The following THNSL1 variants were observed in gnomAD, a reference collection of about 807,000 sequenced individuals.
THNSL1 encodes the protein threonine synthase like 1, also known as threonine synthase-like 1.
In THNSL1, 48 loss-of-function variants were observed where a neutral mutation model predicts 50.4. That is an observed-to-expected ratio of 0.95 (90% CI 0.76 to 1.21). THNSL1 has a LOEUF of 1.21. THNSL1 is among the 50% of genes most tolerant of loss of function. The probability of loss-of-function intolerance (pLI) is 0.00; values close to 1 mark genes in which losing one functional copy is unlikely to be tolerated. For missense variants in THNSL1, 896 were observed against 871.7 expected, an observed-to-expected ratio of 1.03 and a Z score of -0.35; for synonymous variants, 309 against 306.1, an observed-to-expected ratio of 1.01 and a Z score of -0.10.
the THNSL1 span, among the ~76,000 whole-genome samples, chr10:24,980,548 T>G: frequency 3.3e-5 from 5 of 152,240 alleles, no homozygotes; most frequent in African/African-American, 1.2e-4. Flanking sequence ...ATAGCTGTTT[T>G]GTTCACTATT....
the THNSL1 span, chr10:24,984,546 TA>T: frequency 1.8e-6 from 2 of 1,103,948 alleles, no homozygotes; most frequent in South Asian, 1.8e-5. Flanking sequence ...GTGACACTAG[TA>T]AAAACAAAAT....
chr10:24,980,912 T>C, the THNSL1 span, among the ~76,000 whole-genome samples: 1 of 152,106 alleles, frequency 6.6e-6, no homozygotes, highest in Non-Finnish European at 1.5e-5. Flanking sequence ...AGTGAAACAG[T>C]GTTTCACCAC....
At chr10:25,012,606 G>A (rs1003432672), upstream of THNSL1, among the ~76,000 whole-genome samples, 3 of 152,210 alleles carry the variant, frequency 2.0e-5, no homozygotes, top group East Asian at 3.8e-4. Context: ...ATCTGGACTT[G>A]CAAGGGGCCT....
chr10:24,952,670 G>C, the THNSL1 span: 1 of 843,358 alleles, frequency 1.2e-6, no homozygotes, highest in Non-Finnish European at 1.8e-6. The surrounding 1 kb of genome is among the most constrained non-coding windows in gnomAD (Gnocchi z 5.1). Context: ...ATGGGGACGG[G>C]GACGGGGACG....
At chr10:24,964,620 T>C in the THNSL1 span, among the ~76,000 whole-genome samples, 1 of 152,250 alleles carries the variant, frequency 6.6e-6, no homozygotes, top group South Asian at 2.1e-4. Flanking sequence ...CAAGATTCAT[T>C]GATATTACTT....
chr10:24,974,604 A>C, the THNSL1 span, among the ~76,000 whole-genome samples: 1 of 152,164 alleles, frequency 6.6e-6, no homozygotes. Flanking sequence ...TTTGGCTTAT[A>C]TTTTTGCTTT....
chr10:24,953,670 C>G, the THNSL1 span, among the ~76,000 whole-genome samples: 3 of 152,294 alleles, frequency 2.0e-5, no homozygotes, highest in South Asian at 2.1e-4. Flanking sequence ...CAGCCCAATT[C>G]GGGTCGAAGC....
At chr10:24,980,236 T>A in the THNSL1 span, among the ~76,000 whole-genome samples, 2 of 152,094 alleles carry the variant, frequency 1.3e-5, no homozygotes, top group African/African-American at 4.8e-5. Flanking sequence ...CTTTTCTAAG[T>A]TCACCCCAGC....
rs79106101 is a variant in THNSL1, at chr10:25,022,489, T to G, written c.-49+581T>G. ...TAATATACCTTTCACCTTGGCTCTTTTTAAAGCCTTCAATATGAATAATAT... is the reference window on the plus strand; with the variant it reads ...TAATATACCTTTCACCTTGGCTCTTGTTAAAGCCTTCAATATGAATAATAT... On this transcript the variant is annotated intron_variant, in intron 2 of 2. Transcript: ENST00000376356. 4.9e-4 allele frequency among the ~76,000 whole-genome samples: 75 copies of G among 152,342 alleles called. 1 individual carries two copies. In the East Asian group the frequency reaches 0.013, roughly 27 times the overall value.
the THNSL1 span, among the ~76,000 whole-genome samples, chr10:24,960,580 C>G: frequency 6.6e-6 from 1 of 151,836 alleles, no homozygotes; most frequent in Non-Finnish European, 1.5e-5. Flanking sequence ...GCGTGCACCA[C>G]TACACCCTGC....
intron 1 of THNSL1, among the ~76,000 whole-genome samples, chr10:25,018,209 ACTTTT>A (rs1850647730): frequency 6.6e-6 from 1 of 152,192 alleles, no homozygotes; most frequent in African/African-American, 2.4e-5. Flanking sequence ...TTGGAAAAAA[ACTTTT>A]CTTTTTTCTT....
chr10:25,018,656 G>A (rs1850657492), intron 1 of THNSL1, among the ~76,000 whole-genome samples: 1 of 77,744 alleles, frequency 1.3e-5, no homozygotes, highest in Non-Finnish European at 3.0e-5. Context: ...ACAAATGAGA[G>A]TTGTTTTTTT....
At chr10:24,952,507 A>G in the THNSL1 span, 6 of 1,578,852 alleles carry the variant, frequency 3.8e-6, no homozygotes, top group East Asian at 4.6e-5. This position sits in a 1 kb window ranked among gnomAD's most constrained non-coding sequence, Gnocchi z 5.1. Context: ...CCGAGCCCCA[A>G]AATAGGGAGT....
At chr10:24,957,772 C>T in the THNSL1 span, among the ~76,000 whole-genome samples, 69 of 152,300 alleles carry the variant, frequency 4.5e-4, no homozygotes, top group Middle Eastern at 3.4e-3. Flanking sequence ...TGAGCCACTG[C>T]ATCCGGCCTT....
the THNSL1 span, chr10:24,990,700 T>C: frequency 1.6e-6 from 2 of 1,271,134 alleles, 1 homozygote; most frequent in South Asian, 3.1e-5. Context: ...GAAAAAGAAA[T>C]GGTACAGACT....
the THNSL1 span, among the ~76,000 whole-genome samples, chr10:25,006,531 C>G: frequency 6.6e-6 from 1 of 152,186 alleles, no homozygotes; most frequent in Admixed American, 6.5e-5. Flanking sequence ...TTGTTTCAGA[C>G]TTTAAGCAAA....
the THNSL1 span, among the ~76,000 whole-genome samples, chr10:24,992,648 C>A: frequency 6.6e-6 from 1 of 152,176 alleles, no homozygotes; most frequent in Non-Finnish European, 1.5e-5. Context: ...AGAAGCAGAG[C>A]CTGTAACAAC....
chr10:24,961,386 A>G, the THNSL1 span, among the ~76,000 whole-genome samples: 1 of 152,254 alleles, frequency 6.6e-6, no homozygotes, highest in African/African-American at 2.4e-5. Flanking sequence ...AAATATATAA[A>G]TAAATGTGTT....
Position 25,024,992 on chromosome 10 carries a change from T to TA in THNSL1, c.1770dup (p.Phe591IlefsTer2). The TA allele has an allele frequency of 6.2e-7, 1 of 1,614,198 alleles. No individual in the cohort carries two copies. The highest frequency in any genetic ancestry group is 8.5e-7 in the Non-Finnish European group (1 of 1,180,030). ...AAAGATGGACAGCTAATGACAGAAT[T>TA]ATTTAATCGATTAGAAAGTCAGCAT... On this transcript the variant is annotated frameshift_variant, in exon 3 of 3. Transcript: ENST00000376356. LOFTEE classifies it high-confidence loss of function.
Sources: gnomAD v4.1 joint callset for allele counts (sites outside exome capture counted in the v4.1 genomes callset) on GRCh38, gnomAD v4.1.1 for gene constraint, Gnocchi (gnomAD v3.1) non-coding constraint, MANE v1.5 for transcripts, NCBI Gene and HGNC (gene_info 2026-07-23, HGNC 2026-07-21) for gene names.